PBLD: variants seen among roughly 807,000 people sequenced by gnomAD.
PBLD encodes the protein phenazine biosynthesis-like domain-containing protein.
A neutral mutation model predicts 31.3 loss-of-function variants in PBLD; 26 were observed. The observed-to-expected ratio is 0.83, with a 90% CI of 0.61 to 1.15. The LOEUF is 1.15. Among genes scored for constraint, PBLD ranks in the 50% most tolerant of loss-of-function variants. The pLI, the probability that PBLD is intolerant of heterozygous loss-of-function variation, is 0.00. For missense variants in PBLD, 307 were observed against 351.7 expected, an observed-to-expected ratio of 0.87 and a Z score of 1.02; for synonymous variants, 114 against 129.0, an observed-to-expected ratio of 0.88 and a Z score of 0.79.
At chr10:68,329,086 C>T (rs190194100) in intron 1 of PBLD, among the ~76,000 whole-genome samples, 12 of 152,278 alleles carry the variant, frequency 7.9e-5, no homozygotes, top group Admixed American at 4.6e-4. Context: ...CCTATGTTGG[C>T]CAGGTTGGTC....
At chr10:68,292,368 G>C in intron 4 of PBLD, 130 bp from the exon 5 acceptor site, 1 of 727,156 alleles carries the variant, frequency 1.4e-6, no homozygotes, top group South Asian at 1.8e-5. Flanking sequence ...GCGAGGTTTG[G>C]GTTGCTGAGG....
intron 2 of PBLD, among the ~76,000 whole-genome samples, chr10:68,303,833 A>G (rs2044541319): frequency 6.6e-6 from 1 of 151,634 alleles, no homozygotes; most frequent in Admixed American, 6.6e-5. Context: ...AAAAAAAAAA[A>G]TCATCTGAAG....
At chr10:68,328,791 T>C (rs1390216229) in intron 1 of PBLD, among the ~76,000 whole-genome samples, 2 of 143,234 alleles carry the variant, frequency 1.4e-5, no homozygotes, top group African/African-American at 4.9e-5. Flanking sequence ...ATGAGAATCG[T>C]TGACAAGACT....
intron 6 of PBLD, among the ~76,000 whole-genome samples, chr10:68,290,235 G>A (rs2044341670): frequency 6.6e-6 from 1 of 152,158 alleles, no homozygotes; most frequent in Non-Finnish European, 1.5e-5. Context: ...TAGAGGCCAA[G>A]ATACTCCAGT....
At chr10:68,326,766 T>C (rs2044927675) in intron 1 of PBLD, among the ~76,000 whole-genome samples, 1 of 152,122 alleles carries the variant, frequency 6.6e-6, no homozygotes, top group Middle Eastern at 3.2e-3. Context: ...GAAACTGAGG[T>C]GGCCATGCAC....
chr10:68,317,805 AAAAC>A (rs201570610), intron 1 of PBLD, among the ~76,000 whole-genome samples: 6,524 of 152,062 alleles, frequency 0.043, 172 homozygotes, highest in African/African-American at 0.05. Context: ...TGTCCCATAA[AAAAC>A]AAACAAACAA....
At chr10:68,319,047 AAG>A (rs745362764) in intron 1 of PBLD, among the ~76,000 whole-genome samples, 22 of 111,348 alleles carry the variant, frequency 2.0e-4, no homozygotes, top group Admixed American at 3.8e-4. Context: ...GAAAGAAAGA[AAG>A]AGAGAGAAAG....
At chr10:68,320,563 T>C (rs2044818824) in intron 1 of PBLD, among the ~76,000 whole-genome samples, 1 of 152,226 alleles carries the variant, frequency 6.6e-6, no homozygotes, top group African/African-American at 2.4e-5. Flanking sequence ...ACTTAAATCA[T>C]CTCTAGACTC....
rs774755856 is a variant in PBLD, at chr10:68,296,946, T to A, written c.124A>T (p.Met42Leu). Reference sequence around the variant, plus strand: ...ATAAAAGCAGTTTCAGAGAGGTTCATCTCCCTTGCAATTTTCTGATGCATG... The same window carrying A: ...ATAAAAGCAGTTTCAGAGAGGTTCAACTCCCTTGCAATTTTCTGATGCATG... ...EDMHQKIARE[M>L]NLSETAFIRK... The change falls in exon 3 of 10, where the codon ATG becomes TTG. Residue 42 changes from methionine to leucine, a missense_variant. Physicochemically the swap from Met to Leu is conservative, Grantham distance 15. Coordinates refer to ENST00000358769, the MANE Select transcript of PBLD (RefSeq NM_022129.4). The A allele has an allele frequency of 1.9e-6, 3 of 1,614,022 alleles. No homozygotes were observed. The South Asian group carries it at 3.3e-5, about 18-fold the overall frequency.
intron 1 of PBLD, among the ~76,000 whole-genome samples, chr10:68,319,073 A>G (rs968809154): frequency 7.8e-5 from 10 of 128,100 alleles, no homozygotes; most frequent in African/African-American, 3.0e-4. Context: ...GAAAGAAAGA[A>G]AGAAAGAAAG....
At chr10:68,299,204 T>C (rs546844888) in intron 2 of PBLD, among the ~76,000 whole-genome samples, 1 of 152,198 alleles carries the variant, frequency 6.6e-6, no homozygotes, top group African/African-American at 2.4e-5. Flanking sequence ...AGTTAGATTT[T>C]GAATTTTAAA....
chr10:68,285,711 C>T (rs2044278413), intron 8 of PBLD, among the ~76,000 whole-genome samples: 1 of 151,812 alleles, frequency 6.6e-6, no homozygotes, highest in Admixed American at 6.6e-5. Context: ...CACAGTCTTG[C>T]TCTGTTGTCC....
intron 3 of PBLD, 33 bp from the exon 4 acceptor site, chr10:68,296,397 T>TTCTCTCTTTG: frequency 6.7e-7 from 1 of 1,484,954 alleles, no homozygotes; most frequent in South Asian, 1.1e-5. Flanking sequence ...AGAGATGAGA[T>TTCTCTCTTTG]CATTCCCATG....
chr10:68,317,012 C>CA (rs560718525), intron 1 of PBLD, among the ~76,000 whole-genome samples: 9 of 151,030 alleles, frequency 6.0e-5, no homozygotes, highest in Admixed American at 1.3e-4. Context: ...GACTCCATCT[C>CA]AAAAAAAAGA....
At chr10:68,307,539 G>A (rs1014771372) in intron 1 of PBLD, among the ~76,000 whole-genome samples, 23 of 151,826 alleles carry the variant, frequency 1.5e-4, no homozygotes, top group East Asian at 7.8e-4. Flanking sequence ...TCGCTCTGTC[G>A]TCCAGGCTGG....
At chr10:68,330,714 GT>G in intron 1 of PBLD, among the ~76,000 whole-genome samples, 1 of 16,976 alleles carries the variant, frequency 5.9e-5, no homozygotes, top group Admixed American at 6.2e-4. Context: ...CCCGGCGTGT[GT>G]GTGTGTGTGT....
intron 2 of PBLD, among the ~76,000 whole-genome samples, chr10:68,301,718 T>C (rs950441123): frequency 6.6e-6 from 1 of 152,168 alleles, no homozygotes; most frequent in Non-Finnish European, 1.5e-5. Flanking sequence ...TTAAAAGTAT[T>C]AAAACATCCT....
intron 2 of PBLD, among the ~76,000 whole-genome samples, chr10:68,305,180 C>T (rs1342759766): frequency 6.6e-6 from 1 of 151,342 alleles, no homozygotes; most frequent in Non-Finnish European, 1.5e-5. Context: ...CTCAATTTAG[C>T]GAGACCACAT....
intron 2 of PBLD, among the ~76,000 whole-genome samples, chr10:68,298,692 C>A (rs1264110668): frequency 6.6e-6 from 1 of 151,854 alleles, no homozygotes; most frequent in African/African-American, 2.4e-5. Context: ...GTTTCCACAC[C>A]TTTAAGATGG....
Sources: gnomAD v4.1 joint callset for allele counts (sites outside exome capture counted in the v4.1 genomes callset) on GRCh38, gnomAD v4.1.1 for gene constraint, MANE v1.5 for transcripts, NCBI Gene and HGNC (gene_info 2026-07-23, HGNC 2026-07-21) for gene names.